Variants in CASQ2 observed in about 807,000 individuals in gnomAD.
The protein encoded by CASQ2 is calsequestrin 2, also known as calsequestrin-2.
In CASQ2, 49 loss-of-function variants were observed where a neutral mutation model predicts 46.5. The ratio of observed to expected loss-of-function variants is 1.05; its 90% CI spans 0.84 to 1.34. The LOEUF (loss-of-function observed/expected upper bound fraction) is 1.34. CASQ2 is among the 40% of genes most tolerant of loss of function. The pLI, the probability that CASQ2 is intolerant of heterozygous loss-of-function variation, is 0.00. For missense variants in CASQ2, 486 were observed against 481.3 expected, an observed-to-expected ratio of 1.01 and a Z score of -0.09; for synonymous variants, 174 against 168.5, an observed-to-expected ratio of 1.03 and a Z score of -0.25.
At chr1:115,705,131 T>G in intron 9 of CASQ2, 61 bp downstream of exon 9, 1 of 1,061,080 alleles carries the variant, frequency 9.4e-7, no homozygotes, top group Non-Finnish European at 1.5e-6. Context: ...CCTCAGATGC[T>G]GAACGCAATC....
rs1459829853 is a variant in CASQ2 at position 115,744,827 on chromosome 1, C to G, written c.319+1G>C. The G allele has an allele frequency of 6.2e-7, 1 of 1,608,624 alleles. No individual in the cohort carries two copies. Among genetic ancestry groups the G allele is most frequent in the East Asian group, 2.2e-5 (1 of 44,844 alleles). The stretch of plus-strand genomic sequence containing the variant: ...TACAGTATCTCAAAAATCACACTTA[C>G]CCAGTTTCTTGGCAAGCTTGGCTTC... On this transcript the variant is annotated splice_donor_variant, in intron 2 of 10. Transcript: ENST00000261448. LOFTEE classifies it high-confidence loss of function.
At chr1:115,705,448 C>T (rs1255002410) in intron 8 of CASQ2, among the ~76,000 whole-genome samples, 156 bp from the exon 9 acceptor site, 5 of 152,162 alleles carry the variant, frequency 3.3e-5, no homozygotes, top group Non-Finnish European at 7.3e-5. Context: ...ATGAGAGCTC[C>T]AGGCACAGAG....
intron 5 of CASQ2, among the ~76,000 whole-genome samples, chr1:115,728,636 A>G (rs1647676285): frequency 6.6e-6 from 1 of 152,190 alleles, no homozygotes; most frequent in Non-Finnish European, 1.5e-5. Flanking sequence ...TAACAAACAT[A>G]TGGAGTGCTT....
chr1:115,723,055 AT>A (rs1012716683), intron 7 of CASQ2, among the ~76,000 whole-genome samples: 13 of 152,170 alleles, frequency 8.5e-5, no homozygotes, highest in Admixed American at 7.2e-4. Context: ...CTCAAAAAAA[AT>A]AATAATAATA....
At chr1:115,710,413 G>A (rs992677623) in intron 8 of CASQ2, among the ~76,000 whole-genome samples, 11 of 152,180 alleles carry the variant, frequency 7.2e-5, no homozygotes, top group Admixed American at 5.9e-4. Context: ...AAGTCTGCAC[G>A]TCTGGAGCCA....
intron 8 of CASQ2, among the ~76,000 whole-genome samples, chr1:115,711,590 A>C (rs1654545369): frequency 1.2e-5 from 1 of 81,866 alleles, no homozygotes; most frequent in Non-Finnish European, 2.2e-5. Context: ...TACTCATTTT[A>C]AGATTTTTTT....
intron 1 of CASQ2, among the ~76,000 whole-genome samples, chr1:115,757,367 G>T (rs945607456): frequency 3.3e-5 from 5 of 152,154 alleles, no homozygotes; most frequent in Non-Finnish European, 7.3e-5. Context: ...TCTATGAGAG[G>T]CTTTGTTCTC....
chr1:115,706,153 CGTGT>C (rs780009299), intron 8 of CASQ2, among the ~76,000 whole-genome samples: 21 of 149,164 alleles, frequency 1.4e-4, no homozygotes, highest in Non-Finnish European at 2.4e-4. Flanking sequence ...TGTGTGCGTG[CGTGT>C]GTGTATGTGT....
chr1:115,705,220 AGGAT>A lies in CASQ2; in HGVS notation c.907_910del (p.Ile303CysfsTer31). 6.2e-7 allele frequency: 1 copy of A among 1,613,726 alleles called. No individual in the cohort carries two copies. Among genetic ancestry groups the A allele is most frequent in the Non-Finnish European group, 8.5e-7 (1 of 1,179,560 alleles). ...AGGAAAGTCGTCCGGGTCGATCCAC[AGGAT>A]GCTCAGATCGGGGTTGTCAGTATTG... On this transcript the variant is annotated frameshift_variant, in exon 9 of 11. Transcript: ENST00000261448. LOFTEE classifies it high-confidence loss of function.
At chr1:115,761,440 AAGAAGAAGAAGAAGAAGAAGAAG>A (rs1557806591) in intron 1 of CASQ2, among the ~76,000 whole-genome samples, 6 of 2,680 alleles carry the variant, frequency 2.2e-3, no homozygotes, top group African/African-American at 0.012. Flanking sequence ...AAGAAGAAGA[AAGAAGAAGAAGAAGAAGAAGAAG>A]GAGAAGAAGA....
At chr1:115,715,732 G>A (rs1412689660) in intron 8 of CASQ2, among the ~76,000 whole-genome samples, 3 of 152,108 alleles carry the variant, frequency 2.0e-5, no homozygotes, top group South Asian at 4.1e-4. Context: ...TAAAAAATGT[G>A]GGTTTCACTC....
At chr1:115,724,798 C>A (rs1462301593) in intron 7 of CASQ2, among the ~76,000 whole-genome samples, 7 of 152,190 alleles carry the variant, frequency 4.6e-5, no homozygotes, top group Non-Finnish European at 8.8e-5. Context: ...GAAATTTAGA[C>A]AGCTCAGAAA....
At chr1:115,746,970 C>T (rs1648413401) in intron 1 of CASQ2, among the ~76,000 whole-genome samples, 1 of 152,070 alleles carries the variant, frequency 6.6e-6, no homozygotes, top group Admixed American at 6.6e-5. Flanking sequence ...GGATCTTTCA[C>T]AGAACAAAAA....
At chr1:115,730,074 G>A (rs563521658) in intron 5 of CASQ2, among the ~76,000 whole-genome samples, 27 of 152,250 alleles carry the variant, frequency 1.8e-4, no homozygotes, top group African/African-American at 6.0e-4. Flanking sequence ...GCTTGATTTA[G>A]GATTAGTATT....
At chr1:115,764,253 A>G (rs1649059293) in intron 1 of CASQ2, among the ~76,000 whole-genome samples, 1 of 152,222 alleles carries the variant, frequency 6.6e-6, no homozygotes, top group South Asian at 2.1e-4. Context: ...TTTTAAAAAT[A>G]TGTATGATGA....
chr1:115,720,162 G>A lies in CASQ2; in HGVS notation c.784-2268C>T, dbSNP rs867662343. On this transcript the variant is annotated intron_variant, in intron 7 of 10. Transcript: ENST00000261448. ...CCCACTGTCTTGGTTTATTCGGGCTGCTATAACAACATATCAAAACCTGGG... is the reference window on the plus strand; with the variant it reads ...CCCACTGTCTTGGTTTATTCGGGCTACTATAACAACATATCAAAACCTGGG... 1.9e-4 allele frequency among the ~76,000 whole-genome samples: 29 copies of A among 152,134 alleles called. 1 individual carries two copies. Among genetic ancestry groups the A allele is most frequent in the Middle Eastern group, 6.3e-3 (2 of 316 alleles).
intron 1 of CASQ2, among the ~76,000 whole-genome samples, chr1:115,763,524 C>T (rs900869634): frequency 6.6e-6 from 1 of 152,152 alleles, no homozygotes; most frequent in African/African-American, 2.4e-5. Context: ...GCCTGATTTC[C>T]TCAGTTTATC....
At chr1:115,751,025 A>C (rs4338353) in intron 1 of CASQ2, among the ~76,000 whole-genome samples, 41,646 of 152,102 alleles carry the variant, frequency 0.27, 6,101 homozygotes, top group East Asian at 0.43. Context: ...GACCCGTATT[A>C]TTGACTTGTC....
intron 8 of CASQ2, among the ~76,000 whole-genome samples, chr1:115,709,296 G>T (rs544196512): frequency 3.3e-5 from 5 of 152,328 alleles, no homozygotes; most frequent in African/African-American, 1.2e-4. Context: ...GAAGGCAGGT[G>T]TAGGAAGCCG....
Sources: allele counts gnomAD v4.1 joint callset (sites outside exome capture counted in the v4.1 genomes callset), GRCh38; gene constraint gnomAD v4.1.1; transcripts MANE v1.5; gene names NCBI Gene and HGNC (gene_info 2026-07-23, HGNC 2026-07-21).